The following SIRPB1 variants were observed in gnomAD, a reference collection of about 807,000 sequenced individuals.
SIRPB1 encodes the protein signal-regulatory protein beta-1.
In SIRPB1, 28 loss-of-function variants were observed where a neutral mutation model predicts 34.1. The ratio of observed to expected loss-of-function variants is 0.82; its 90% CI spans 0.61 to 1.12. SIRPB1 has a LOEUF of 1.12. Ranked by LOEUF, SIRPB1 falls within the 50% of genes most tolerant of loss-of-function variation. The pLI is 0.00. For synonymous variants in SIRPB1, 211 were observed against 203.8 expected, an observed-to-expected ratio of 1.04 and a Z score of -0.30; for missense variants, 499 against 507.0, an observed-to-expected ratio of 0.98 and a Z score of 0.15.
At chr20:1,579,343 G>A (rs2243423) in intron 1 of SIRPB1, among the ~76,000 whole-genome samples, 1 of 147,170 alleles carries the variant, frequency 6.8e-6, no homozygotes. Context: ...GCCAATTATG[G>A]CCTCCACTCT....
intron 4 of SIRPB1, among the ~76,000 whole-genome samples, chr20:1,566,817 G>A (rs2091144097): frequency 6.6e-6 from 1 of 152,152 alleles, no homozygotes; most frequent in Non-Finnish European, 1.5e-5. Context: ...CCCAGGGGCA[G>A]GGAGAGGACC....
intron 4 of SIRPB1, among the ~76,000 whole-genome samples, chr20:1,566,629 A>C (rs1261648253): frequency 6.6e-6 from 1 of 152,162 alleles, no homozygotes; most frequent in Non-Finnish European, 1.5e-5. Context: ...GAGTTTAGGG[A>C]GTGTCAGGAG....
At chr20:1,572,994 C>A (rs896256381) in intron 2 of SIRPB1, among the ~76,000 whole-genome samples, 2 of 147,962 alleles carry the variant, frequency 1.4e-5, no homozygotes, top group African/African-American at 4.9e-5. Flanking sequence ...CCAAAAACAA[C>A]CTTTTGTGAA....
In SIRPB1 at chr20:1,573,076, C is replaced by T. The variant is rs2091266163; in HGVS notation, c.434-1039G>A. 4.1e-5 allele frequency among the ~76,000 whole-genome samples: 6 copies of T among 145,934 alleles called. No homozygotes were observed. The South Asian group carries it at 1.3e-3, about 31-fold the overall frequency. The stretch of plus-strand genomic sequence containing the variant: ...TCAGGGTTTCACTGACTCAGTGTAC[C>T]CAAATTGCACCTCTTTATCTTTCAG... On this transcript the variant is annotated intron_variant, in intron 2 of 5. Coordinates refer to ENST00000381605, the MANE Select transcript of SIRPB1 (RefSeq NM_006065.5).
At chr20:1,566,397 T>C in intron 4 of SIRPB1, 130 bp from the exon 5 acceptor site, 1 of 572,824 alleles carries the variant, frequency 1.7e-6, no homozygotes, top group Non-Finnish European at 3.1e-6. Flanking sequence ...TGCATCCTGC[T>C]CTGGCTTTCC....
chr20:1,619,805 A>G (rs747507469), intron 1 of SIRPB1, 64 bp downstream of exon 1: 10 of 1,195,722 alleles, frequency 8.4e-6, no homozygotes, highest in Non-Finnish European at 1.2e-5. Flanking sequence ...AATCCCTGAA[A>G]GTCCAGGGAC....
chr20:1,577,296 T>G (rs1204452101), intron 2 of SIRPB1, among the ~76,000 whole-genome samples: 2 of 147,842 alleles, frequency 1.4e-5, no homozygotes, highest in Non-Finnish European at 1.5e-5. Flanking sequence ...GGAAGGAGAC[T>G]GCCACGATTC....
rs4814327 is a variant in SIRPB1 at position 1,566,567 on chromosome 20, G to A, written c.1085-300C>T. 2.6e-4 allele frequency among the ~76,000 whole-genome samples: 39 copies of A among 152,322 alleles called. 1 individual carries two copies. In the East Asian group the frequency reaches 5.2e-3, roughly 20 times the overall value. ...TGGGTTCCTCACTTGATCCTCACAC[G>A]CCCATGGGGCAGGGATTATTATTCC... is the stretch of plus-strand genomic sequence containing the variant. On this transcript the variant is annotated intron_variant, in intron 4 of 5. Coordinates refer to ENST00000381605, the MANE Select transcript of SIRPB1 (RefSeq NM_006065.5).
At chr20:1,567,919 G>A (rs1363127730) in intron 4 of SIRPB1, among the ~76,000 whole-genome samples, 1 of 152,204 alleles carries the variant, frequency 6.6e-6, no homozygotes, top group Non-Finnish European at 1.5e-5. Flanking sequence ...GAGCCACAGG[G>A]CAGAAGGAAT....
chr20:1,578,478 C>T lies in SIRPB1; in HGVS notation c.293G>A (p.Arg98Lys). Residue 98 changes from arginine (R) to lysine (K), a missense_variant, in exon 2 of 6, where the codon AGA (arginine) becomes AAA (lysine). By Grantham distance (26) the Arg-to-Lys change is conservative. Transcript: ENST00000381605. ...RVTTVSELTK[R>K]NNLDFSISIS... ...GCTGATGGAAAAGTCCAGGTTGTTT[C>T]TCTTTGTGAGTTCTGAAACAGTTGT... The T allele has an allele frequency of 6.3e-7, 1 of 1,584,036 alleles. No individual in the cohort carries two copies. The highest frequency in any genetic ancestry group is 8.6e-7 in the Non-Finnish European group (1 of 1,157,808).
At chr20:1,570,661 T>C in intron 4 of SIRPB1, 144 bp downstream of exon 4, 1 of 679,468 alleles carries the variant, frequency 1.5e-6, no homozygotes, top group Non-Finnish European at 2.4e-6. Flanking sequence ...TAAGTAGTGG[T>C]GACCCATGGA....
intron 1 of SIRPB1, among the ~76,000 whole-genome samples, chr20:1,603,542 G>C (rs1265482757): frequency 2.1e-5 from 1 of 48,518 alleles, no homozygotes; most frequent in Non-Finnish European, 4.0e-5. Flanking sequence ...AACTGTCAGG[G>C]GTAAAAAGCA....
chr20:1,570,669 G>A (rs747048021), intron 4 of SIRPB1, 136 bp downstream of exon 4: 6 of 736,500 alleles, frequency 8.1e-6, no homozygotes, highest in Non-Finnish European at 1.3e-5. Context: ...GGTGACCCAT[G>A]GAGTGTAGGA....
At chr20:1,576,567 T>C (rs1450586823) in intron 2 of SIRPB1, among the ~76,000 whole-genome samples, 1 of 148,074 alleles carries the variant, frequency 6.8e-6, no homozygotes, top group African/African-American at 2.5e-5. Context: ...ATGTATTGTG[T>C]CCACCCTGAT....
chr20:1,562,565 C>G lies in SIRPB1; in HGVS notation c.*2935G>C, dbSNP rs1568675124. Among the ~76,000 whole-genome samples the G allele has an allele frequency of 6.6e-6, 1 of 152,004 alleles. No individual in the cohort carries two copies. Among genetic ancestry groups the G allele is most frequent in the Non-Finnish European group, 1.5e-5 (1 of 68,026 alleles). Reference sequence around the variant, plus strand: ...CATAGTTTAGTTAAGTAACATCAGTCCCACAACACAAGTCTCAAAATTTAG... The same window carrying G: ...CATAGTTTAGTTAAGTAACATCAGTGCCACAACACAAGTCTCAAAATTTAG... On this transcript the variant is annotated 3_prime_UTR_variant, in exon 6 of 6. Coordinates refer to ENST00000381605, the MANE Select transcript of SIRPB1 (RefSeq NM_006065.5).
chr20:1,614,243 C>A (rs2091598026), intron 1 of SIRPB1, among the ~76,000 whole-genome samples: 1 of 152,162 alleles, frequency 6.6e-6, no homozygotes, highest in African/African-American at 2.4e-5. Flanking sequence ...ACAAGAAATG[C>A]TAAAGGGAGT....
intron 1 of SIRPB1, among the ~76,000 whole-genome samples, chr20:1,615,681 C>A (rs1386562083): frequency 1.3e-5 from 2 of 152,042 alleles, no homozygotes; most frequent in Non-Finnish European, 2.9e-5. Flanking sequence ...ATACAAATGA[C>A]AAAGAATGTA....
At position 1,601,618 on chromosome 20, in the gene SIRPB1, G is replaced by A. The variant is rs1201434813; in HGVS notation, c.76+18251C>T. ...TGTACCAGCCTAGACAACCTAAAAC[G>A]CATTTCCTGCCATAGCACATGAGCA... On this transcript the variant is annotated intron_variant, in intron 1 of 5. Coordinates refer to ENST00000381605, the MANE Select transcript of SIRPB1 (RefSeq NM_006065.5). Among the ~76,000 whole-genome samples, 2 of 48,824 alleles carry A rather than the reference G, an allele frequency of 4.1e-5. 1 individual carries two copies. The highest frequency in any genetic ancestry group is 7.9e-5 in the Non-Finnish European group (2 of 25,450). 32.0% of individuals were successfully genotyped at this position (48,824 alleles called of 152,430 possible).
chr20:1,570,243 G>A (rs1253702665), intron 4 of SIRPB1, among the ~76,000 whole-genome samples: 1 of 152,218 alleles, frequency 6.6e-6, no homozygotes, highest in Non-Finnish European at 1.5e-5. Context: ...TGTGATTATT[G>A]TTGGTCAAAT....
Sources: allele counts gnomAD v4.1 joint callset (sites outside exome capture counted in the v4.1 genomes callset), GRCh38; gene constraint gnomAD v4.1.1; transcripts MANE v1.5; gene names NCBI Gene and HGNC (gene_info 2026-07-23, HGNC 2026-07-21).